KLC3: variants seen among roughly 807,000 people sequenced by gnomAD.
KLC3 encodes kinesin light chain 3.
In KLC3, 72 loss-of-function variants were observed where a neutral mutation model predicts 62.9. The ratio of observed to expected loss-of-function variants is 1.15; its 90% confidence interval spans 0.95 to 1.39. The LOEUF (loss-of-function observed/expected upper bound fraction) is 1.39, where lower values mean the gene tolerates loss of function less well. KLC3 is among the 40% of genes most tolerant of loss of function. The probability of loss-of-function intolerance (pLI) is 0.00; values close to 1 mark genes in which losing one functional copy is unlikely to be tolerated. For synonymous variants in KLC3, 377 were observed against 300.5 expected (o/e 1.25, Z -2.63); for missense variants, 848 against 691.6 (o/e 1.23, Z -2.54).
At chr19:45,341,749 G>A (rs559776475) in intron 1 of KLC3, among the ~76,000 whole-genome samples, 1 of 144,038 alleles carries the variant, frequency 6.9e-6, no homozygotes, top group East Asian at 2.1e-4. Context: ...GATGAGTGAG[G>A]TGTGGAGGTG....
intron 12 of KLC3, 88 bp downstream of exon 12, chr19:45,351,105 G>A (rs3916896): frequency 0.037 from 59,440 of 1,607,988 alleles, 1,199 homozygotes; most frequent in Non-Finnish European, 0.041. Flanking sequence ...GGCCAGTGGT[G>A]GAGTCAGCAG....
chr19:45,349,017 C>A (rs1413280620), intron 7 of KLC3, 96 bp downstream of exon 7: 4 of 1,124,968 alleles, frequency 3.6e-6, no homozygotes, highest in Non-Finnish European at 5.1e-6. Flanking sequence ...GACCCTCGGG[C>A]CCCTTGCGTT....
Position 45,348,043 on chromosome 19 carries a change from G to C in KLC3, c.662G>C (p.Gly221Ala). ...HNLVIQYAGQGRYEVAVPLCR... is the reference protein window; with the variant it reads ...HNLVIQYAGQARYEVAVPLCR... ...CTCGTGATCCAGTACGCGGGGCAGG[G>C]CCGCTATGAGGTGGCGGTGCCTCTG... The change falls in exon 5 of 13, where the codon GGC (glycine) becomes GCC (alanine). Residue 221 changes from glycine (G) to alanine (A), a missense_variant. Gly to Ala is a moderately conservative substitution (Grantham distance 60). Transcript: ENST00000391946. The C allele has an allele frequency of 1.2e-6, 2 of 1,604,710 alleles. No homozygotes were observed. The highest frequency in any genetic ancestry group is 1.7e-6 in the Non-Finnish European group (2 of 1,175,850).
chr19:45,348,904 T>A lies in KLC3; in HGVS notation c.952T>A (p.Leu318Met), dbSNP rs879206048. The change falls in exon 7 of 13, where the codon TTG becomes ATG. Residue 318 changes from leucine (L) to methionine (M), a missense_variant. By Grantham distance (15) the Leu-to-Met change is conservative. Transcript: ENST00000391946. Reference protein sequence around the residue: ...REAEPLCQRALEIREKVLGAD... With the variant: ...REAEPLCQRAMEIREKVLGAD... The stretch of plus-strand genomic sequence containing the variant: ...GGCAGAGCCCCTGTGCCAGCGCGCT[T>A]TGGAGATCCGAGAGAAGGTCCCATC... 1 of 1,582,332 alleles carries A rather than the reference T, an allele frequency of 6.3e-7. No homozygotes were observed.
At position 45,351,261 on chromosome 19, in the gene KLC3, A is replaced by G. The variant is rs542619155; in HGVS notation, c.1444-25A>G. Reference sequence around the variant, plus strand: ...AACACTTGCCCCTCACCTCCCCTCCAACCATCCCCTGTGCCTGTCTCCAGT... The same window carrying G: ...AACACTTGCCCCTCACCTCCCCTCCGACCATCCCCTGTGCCTGTCTCCAGT... On this transcript the variant is annotated intron_variant, in intron 12 of 12. Transcript: ENST00000391946. The G allele has an allele frequency of 2.8e-5, 45 of 1,609,318 alleles. No individual in the cohort carries two copies. In the East Asian group the frequency reaches 1.0e-3, roughly 36 times the overall value.
At chr19:45,344,661 A>G (rs998228854) in intron 1 of KLC3, among the ~76,000 whole-genome samples, 4 of 152,082 alleles carry the variant, frequency 2.6e-5, no homozygotes, top group African/African-American at 7.2e-5. Flanking sequence ...TTGTGTGTAT[A>G]TGAGGACCCC....
intron 12 of KLC3, 26 bp from the exon 13 acceptor site, chr19:45,351,260 C>T (rs772961263): frequency 1.1e-5 from 17 of 1,608,774 alleles, no homozygotes; most frequent in East Asian, 2.2e-5. Flanking sequence ...ACCTCCCCTC[C>T]AACCATCCCC....
At position 45,351,425 on chromosome 19, in the gene KLC3, G is replaced by A. The variant is rs1971770065; in HGVS notation, c.*68G>A. The A allele has an allele frequency of 1.9e-6, 3 of 1,592,934 alleles. No homozygotes were observed. The highest frequency in any genetic ancestry group is 1.7e-5 in the Admixed American group (1 of 59,490). On this transcript the variant is annotated 3_prime_UTR_variant, in exon 13 of 13. Coordinates refer to ENST00000391946, the MANE Select transcript of KLC3 (RefSeq NM_177417.3). ...CAGGAGGGATGGGCTGGTGGGGTGA[G>A]AGGGGGTCTATCATCTCCTGGCCCC...
intron 12 of KLC3, 99 bp from the exon 13 acceptor site, chr19:45,351,187 G>C (rs1483972960): frequency 6.3e-7 from 1 of 1,585,772 alleles, no homozygotes. Context: ...GAGGCGAGGG[G>C]GTTGGATAGT....
Position 45,350,411 on chromosome 19 carries a change from A to AG in KLC3, c.1216dup (p.Asp406GlyfsTer16). 6.2e-7 allele frequency: 1 copy of AG among 1,613,838 alleles called. No homozygotes were observed. The highest frequency in any genetic ancestry group is 8.5e-7 in the Non-Finnish European group (1 of 1,179,936). Reference sequence around the variant, plus strand: ...CTGTACAAAGAAATCCTCCACAAGGAGGACCTACCCGCCCCTCTCGGTGAG... The same window carrying AG: ...CTGTACAAAGAAATCCTCCACAAGGAGGGACCTACCCGCCCCTCTCGGTGAG... On this transcript the variant is annotated frameshift_variant, in exon 9 of 13. Transcript: ENST00000391946. LOFTEE classifies it high-confidence loss of function.
chr19:45,348,782 C>T lies in KLC3; in HGVS notation c.868-38C>T, dbSNP rs904524526. On this transcript the variant is annotated intron_variant, in intron 6 of 12. Coordinates refer to ENST00000391946, the MANE Select transcript of KLC3 (RefSeq NM_177417.3). Reference sequence around the variant, plus strand: ...AAGTGGGGTCAAAGTGGGGCCACACCTGCCCATCCCTGACCTGTGCCTCCC... The same window carrying T: ...AAGTGGGGTCAAAGTGGGGCCACACTTGCCCATCCCTGACCTGTGCCTCCC... 4 of 1,561,754 alleles carry T rather than the reference C, an allele frequency of 2.6e-6. No individual in the cohort carries two copies. In the African/African-American group the frequency reaches 4.1e-5, roughly 16 times the overall value.
intron 4 of KLC3, 81 bp downstream of exon 4, chr19:45,347,597 C>G: frequency 2.3e-6 from 3 of 1,322,826 alleles, no homozygotes; most frequent in Non-Finnish European, 3.2e-6. Flanking sequence ...CCCAAAATCT[C>G]TGAGCCAGGG....
Position 45,348,920 on chromosome 19 carries a change from A to G in KLC3, c.968A>G (p.Lys323Arg), listed in dbSNP as rs908262739. Residue 323 changes from lysine to arginine, a missense_variant and splice_region_variant, in exon 7 of 13, where the codon AAG becomes AGG. Lys to Arg is a conservative substitution (Grantham distance 26). Coordinates refer to ENST00000391946, the MANE Select transcript of KLC3 (RefSeq NM_177417.3). Reference sequence around the variant, plus strand: ...CAGCGCGCTTTGGAGATCCGAGAGAAGGTCCCATCCCCCTCACCCCACCCC... The same window carrying G: ...CAGCGCGCTTTGGAGATCCGAGAGAGGGTCCCATCCCCCTCACCCCACCCC... ...LCQRALEIRE[K>R]VLGADHPDVA... 2.5e-6 allele frequency: 4 copies of G among 1,575,266 alleles called. No individual in the cohort carries two copies. The highest frequency in any genetic ancestry group is 3.4e-6 in the Non-Finnish European group (4 of 1,160,258).
Position 45,350,565 on chromosome 19 carries a change from G to A in KLC3, c.1272+14G>A, listed in dbSNP as rs368464700. Reference sequence around the variant, plus strand: ...GACGCAGAACAGGTGAGGATGGGCTGTGCTTCGGCTCCTGGGGTGGGCGTG... The same window carrying A: ...GACGCAGAACAGGTGAGGATGGGCTATGCTTCGGCTCCTGGGGTGGGCGTG... On this transcript the variant is annotated intron_variant, in intron 10 of 12. Coordinates refer to ENST00000391946, the MANE Select transcript of KLC3 (RefSeq NM_177417.3). The A allele has an allele frequency of 4.3e-6, 7 of 1,613,914 alleles. No individual in the cohort carries two copies. Among genetic ancestry groups the A allele is most frequent in the Non-Finnish European group, 4.2e-6 (5 of 1,180,012 alleles).
intron 1 of KLC3, chr19:45,345,084 C>T (rs570496291): frequency 1.1e-3 from 218 of 207,214 alleles, no homozygotes; most frequent in African/African-American, 2.6e-3. Flanking sequence ...CGCCTCCACA[C>T]GCCCCGCCTC....
At chr19:45,350,575 T>G (rs1371626446) in intron 10 of KLC3, 24 bp downstream of exon 10, 2 of 1,613,454 alleles carry the variant, frequency 1.2e-6, no homozygotes, top group African/African-American at 2.7e-5. Context: ...GTGCTTCGGC[T>G]CCTGGGGTGG....
At chr19:45,350,474 TC>T in intron 9 of KLC3, 39 bp from the exon 10 acceptor site, 13 of 1,613,286 alleles carry the variant, frequency 8.1e-6, no homozygotes, top group Non-Finnish European at 1.1e-5. Context: ...TGGTGGCTTC[TC>T]TATGTCCCCA....
intron 1 of KLC3, among the ~76,000 whole-genome samples, chr19:45,343,375 C>G (rs531604366): frequency 5.1e-4 from 78 of 152,190 alleles, no homozygotes; most frequent in African/African-American, 1.9e-3. Flanking sequence ...GCTCTTGTCA[C>G]CCAGGCTGGA....
Position 45,350,743 on chromosome 19 carries a change from G to C in KLC3, c.1375G>C (p.Ala459Pro), listed in dbSNP as rs368867089. 13 of 1,610,102 alleles carry C rather than the reference G, an allele frequency of 8.1e-6. No individual in the cohort carries two copies. In the Admixed American group the frequency reaches 1.2e-4, roughly 15 times the overall value. Reference protein sequence around the residue: ...RLRGEAAAGAAGMKRAMSLNT... With the variant: ...RLRGEAAAGAPGMKRAMSLNT... ...CCGAGGCGAGGCGGCGGCAGGAGCA[G>C]CCGGGTGAGTGTTGATCAGGTCGGC... Residue 459 changes from alanine to proline, a missense_variant, in exon 11 of 13, where the codon GCC becomes CCC. Transcript: ENST00000391946.
Sources: gnomAD v4.1 joint callset for allele counts (sites outside exome capture counted in the v4.1 genomes callset) on GRCh38, gnomAD v4.1.1 for gene constraint, MANE v1.5 for transcripts, NCBI Gene and HGNC (gene_info 2026-07-23, HGNC 2026-07-21) for gene names.